FAT4: variants seen among roughly 807,000 people sequenced by gnomAD.
FAT4 encodes FAT atypical cadherin 4, also known as protocadherin Fat 4.
FAT4 carries 84 observed loss-of-function variants against 303.9 expected under a neutral mutation model. The observed-to-expected ratio is 0.28, with a 90% CI of 0.23 to 0.33. FAT4 has a LOEUF of 0.33. Ranked by LOEUF, FAT4 falls within the 10% of genes least tolerant of loss-of-function variation. FAT4 has a pLI of 1.00. For missense variants in FAT4, 6,005 were observed against 6,146.8 expected (o/e 0.98, Z 0.77); for synonymous variants, 2,307 against 2,298.8 (o/e 1.00, Z -0.10).
At chr4:125,331,526 G>T (rs139955277) in intron 2 of FAT4, among the ~76,000 whole-genome samples, 1 of 152,142 alleles carries the variant, frequency 6.6e-6, no homozygotes, top group Non-Finnish European at 1.5e-5. Context: ...AACATTTATG[G>T]TGTCTGTGAA....
At position 125,320,656 on chromosome 4, in the gene FAT4, C is replaced by T. The variant is rs777892002; in HGVS notation, c.4245C>T (p.Asp1415=). 6.2e-7 allele frequency: 1 copy of T among 1,613,916 alleles called. No individual in the cohort carries two copies. Among genetic ancestry groups the T allele is most frequent in the Non-Finnish European group, 8.5e-7 (1 of 1,179,796 alleles). Reference sequence around the variant, plus strand: ...TTATTCACGTGAGGGACTTTAATGACAATCCTCCTAGCTTTCCTCCTGGAG... The same window carrying T: ...TTATTCACGTGAGGGACTTTAATGATAATCCTCCTAGCTTTCCTCCTGGAG... ...SVVIHVRDFN[D]NPPSFPPGDI... is the part of the protein sequence containing the mutation. The change falls in exon 2 of 18, where the codon GAC becomes GAT. Residue 1415 remains aspartate (D), a synonymous_variant. Coordinates refer to ENST00000394329, the MANE Select transcript of FAT4 (RefSeq NM_001291303.3).
chr4:125,405,049 C>G (rs1734538893), intron 3 of FAT4, among the ~76,000 whole-genome samples: 1 of 151,424 alleles, frequency 6.6e-6, no homozygotes, highest in Non-Finnish European at 1.5e-5. Context: ...GATTTAGCAT[C>G]CCTAATCTGA....
At chr4:125,367,971 G>A (rs1375260245) in intron 2 of FAT4, among the ~76,000 whole-genome samples, 1 of 152,126 alleles carries the variant, frequency 6.6e-6, no homozygotes, top group African/African-American at 2.4e-5. Flanking sequence ...TGATGGTGTG[G>A]AACTCTCTAA....
In FAT4 at chr4:125,394,006, T is replaced by C. The variant is rs764775251; in HGVS notation, c.5176-4778T>C. 101 of 779,968 alleles carry C rather than the reference T, an allele frequency of 1.3e-4. 5 individuals are homozygous for C. The highest frequency in any genetic ancestry group is 2.1e-4 in the Non-Finnish European group (88 of 417,508). 48.3% of individuals were successfully genotyped at this position (779,968 alleles called of 1,614,324 possible). On this transcript the variant is annotated intron_variant, in intron 2 of 17. Coordinates refer to ENST00000394329, the MANE Select transcript of FAT4 (RefSeq NM_001291303.3). ...TTAGCTGCAGCTGAAGTGTTTATTG[T>C]AAGTCAAGCACAGATCTACCAACTA...
intron 7 of FAT4, among the ~76,000 whole-genome samples, chr4:125,426,572 A>G (rs1725095636): frequency 6.6e-6 from 1 of 152,080 alleles, no homozygotes; most frequent in Admixed American, 6.5e-5. Flanking sequence ...TTATTTAAAT[A>G]GCATTCTTTT....
intron 2 of FAT4, among the ~76,000 whole-genome samples, chr4:125,341,283 A>T (rs1731784170): frequency 2.0e-5 from 3 of 152,150 alleles, no homozygotes. Context: ...TAAAATAAGG[A>T]TCTTTTGCTT....
At chr4:125,459,197 G>A (rs1474420490) in intron 10 of FAT4, among the ~76,000 whole-genome samples, 1 of 151,944 alleles carries the variant, frequency 6.6e-6, no homozygotes, top group Non-Finnish European at 1.5e-5. Flanking sequence ...GTATCATAGG[G>A]TATCAAAAAT....
intron 16 of FAT4, among the ~76,000 whole-genome samples, chr4:125,482,919 A>G (rs918953544): frequency 2.6e-5 from 4 of 152,208 alleles, no homozygotes; most frequent in African/African-American, 4.8e-5. Context: ...AGTCATTTCC[A>G]ACTAGGATAG....
At chr4:125,460,113 A>G (rs373803575) in intron 10 of FAT4, among the ~76,000 whole-genome samples, 2 of 152,050 alleles carry the variant, frequency 1.3e-5, no homozygotes, top group Admixed American at 6.6e-5. Context: ...AGTATCTGCT[A>G]TGGCAACCTC....
intron 11 of FAT4, among the ~76,000 whole-genome samples, chr4:125,464,677 C>A (rs367933394): frequency 2.1e-4 from 32 of 152,226 alleles, no homozygotes; most frequent in African/African-American, 7.5e-4. Context: ...CCTTCCCCAC[C>A]CCATGACAGG....
chr4:125,428,529 T>C (rs1725171963), intron 7 of FAT4, among the ~76,000 whole-genome samples: 1 of 152,204 alleles, frequency 6.6e-6, no homozygotes, highest in South Asian at 2.1e-4. Context: ...CATGAGTGTG[T>C]GCATGTGCAC....
At chr4:125,412,505 T>C (rs1406594491) in intron 5 of FAT4, among the ~76,000 whole-genome samples, 2 of 151,948 alleles carry the variant, frequency 1.3e-5, no homozygotes, top group Non-Finnish European at 2.9e-5. Flanking sequence ...TTTTCTTTTG[T>C]TATACTTTTA....
chr4:125,491,913 A>C lies in FAT4; in HGVS notation c.*145A>C. 1 of 744,298 alleles carries C rather than the reference A, an allele frequency of 1.3e-6. No individual in the cohort carries two copies. The highest frequency in any genetic ancestry group is 2.1e-6 in the Non-Finnish European group (1 of 467,642). 46.1% of individuals were successfully genotyped at this position (744,298 alleles called of 1,614,324 possible). A position where few individuals can be genotyped will look rare whatever the true frequency, so the allele number is the denominator to read the frequency against. On this transcript the variant is annotated 3_prime_UTR_variant, in exon 18 of 18. Coordinates refer to ENST00000394329, the MANE Select transcript of FAT4 (RefSeq NM_001291303.3). ...GAAAACTTTAAAAATAATAACCACAATGCTGCTGAAACAGACTCACAACAA... is the reference window on the plus strand; with the variant it reads ...GAAAACTTTAAAAATAATAACCACACTGCTGCTGAAACAGACTCACAACAA...
intron 5 of FAT4, among the ~76,000 whole-genome samples, chr4:125,409,986 T>C (rs905487202): frequency 2.0e-5 from 3 of 152,130 alleles, no homozygotes; most frequent in African/African-American, 7.2e-5. Flanking sequence ...GGATGATTTG[T>C]GAAATCTCAG....
chr4:125,434,343 A>G lies in FAT4; in HGVS notation c.7117A>G (p.Ile2373Val). The change falls in exon 8 of 18, where the codon ATT (isoleucine) becomes GTT (valine). Residue 2373 changes from isoleucine (I) to valine (V), a missense_variant. Physicochemically the swap from Ile to Val is conservative, Grantham distance 29. Transcript: ENST00000394329. Reference protein sequence around the residue: ...TFASKAYFTTIPEDAPTGTDV... With the variant: ...TFASKAYFTTVPEDAPTGTDV... ...TGCCAGTAAAGCGTATTTCACAACA[A>G]TTCCTGAGGATGCACCAACTGGAAC... is the stretch of plus-strand genomic sequence containing the variant. The G allele has an allele frequency of 1.2e-6, 2 of 1,614,106 alleles. No homozygotes were observed. The highest frequency in any genetic ancestry group is 1.7e-6 in the Non-Finnish European group (2 of 1,179,972).
intron 2 of FAT4, among the ~76,000 whole-genome samples, chr4:125,326,510 G>T (rs2125952144): frequency 6.6e-6 from 1 of 152,140 alleles, no homozygotes; most frequent in African/African-American, 2.4e-5. Flanking sequence ...TTTGCATTTT[G>T]TAGCTATGGA....
At chr4:125,443,740 A>G (rs2126052481) in intron 8 of FAT4, among the ~76,000 whole-genome samples, 1 of 152,306 alleles carries the variant, frequency 6.6e-6, no homozygotes, top group Non-Finnish European at 1.5e-5. Flanking sequence ...ACAAGACACA[A>G]TCTAATAAAG....
intron 2 of FAT4, among the ~76,000 whole-genome samples, chr4:125,344,229 C>G (rs1447170839): frequency 6.6e-6 from 1 of 152,126 alleles, no homozygotes; most frequent in African/African-American, 2.4e-5. Flanking sequence ...CTACTATATT[C>G]TACTCTTGAT....
intron 15 of FAT4, 59 bp downstream of exon 15, chr4:125,479,924 A>T: frequency 7.4e-7 from 1 of 1,358,250 alleles, no homozygotes; most frequent in Non-Finnish European, 9.9e-7. Flanking sequence ...AGTAAAATAT[A>T]TGCACCCAAG....
Sources: gnomAD v4.1 joint callset for allele counts (sites outside exome capture counted in the v4.1 genomes callset) on GRCh38, gnomAD v4.1.1 for gene constraint, MANE v1.5 for transcripts, NCBI Gene and HGNC (gene_info 2026-07-23, HGNC 2026-07-21) for gene names.